Variants in OSTM1 observed in about 807,000 individuals in gnomAD.
OSTM1 encodes the protein osteoclastogenesis associated transmembrane protein 1.
In OSTM1, 26 loss-of-function variants were observed where a neutral mutation model predicts 35.4. The ratio of observed to expected loss-of-function variants is 0.73; its 90% CI spans 0.54 to 1.02. OSTM1 has a LOEUF of 1.02. OSTM1 is among the 50% of genes least tolerant of loss of function. OSTM1 has a pLI of 0.00. For synonymous variants in OSTM1, 181 were observed against 165.0 expected, an observed-to-expected ratio of 1.10 and a Z score of -0.75; for missense variants, 366 against 409.6, an observed-to-expected ratio of 0.89 and a Z score of 0.92.
At chr6:108,056,544 T>C (rs915901246) in intron 2 of OSTM1, among the ~76,000 whole-genome samples, 23 of 152,186 alleles carry the variant, frequency 1.5e-4, no homozygotes, top group African/African-American at 5.3e-4. Flanking sequence ...AGATGAAACC[T>C]AAACCTGGTA....
chr6:108,072,614 G>C (rs1220327952), intron 1 of OSTM1, among the ~76,000 whole-genome samples: 1 of 131,658 alleles, frequency 7.6e-6, no homozygotes, highest in Non-Finnish European at 1.6e-5. Context: ...TCCAGCCTGG[G>C]CAACAGAGCA....
chr6:108,069,783 C>T (rs913063556), intron 1 of OSTM1, among the ~76,000 whole-genome samples: 4 of 152,138 alleles, frequency 2.6e-5, no homozygotes, highest in Admixed American at 6.5e-5. Context: ...CGATCCCTCT[C>T]CCAGAAATTC....
At chr6:108,071,302 T>G (rs1041842003) in intron 1 of OSTM1, among the ~76,000 whole-genome samples, 6 of 151,788 alleles carry the variant, frequency 4.0e-5, no homozygotes, top group African/African-American at 1.5e-4. Context: ...GTTTTTGTTT[T>G]GTTTTGTTTT....
chr6:108,058,018 G>T (rs1373466587), intron 2 of OSTM1, among the ~76,000 whole-genome samples: 3 of 151,112 alleles, frequency 2.0e-5, no homozygotes, highest in Non-Finnish European at 4.4e-5. Context: ...CTCAGAGAAG[G>T]CTCAGGCATC....
At chr6:108,045,920 G>A (rs958603590) in intron 5 of OSTM1, among the ~76,000 whole-genome samples, 2 of 152,158 alleles carry the variant, frequency 1.3e-5, no homozygotes, top group Non-Finnish European at 2.9e-5. Context: ...CCTAGTACCT[G>A]TACTTTTTTA....
Position 108,054,469 on chromosome 6 carries a change from T to C in OSTM1, c.615+21A>G, listed in dbSNP as rs111735349. The C allele has an allele frequency of 4.6e-3, 5,257 of 1,142,520 alleles. 181 individuals are homozygous for C. The African/African-American group carries it at 0.073, about 16-fold the overall frequency. The allele number at this position is 1,142,520 out of a possible 1,614,324, so 70.8% of individuals were successfully genotyped here. ...TTTGTACAAGGCAGCATTTTAATTTTAAATATTATATATAAAATACCTGAA... is the reference window on the plus strand; with the variant it reads ...TTTGTACAAGGCAGCATTTTAATTTCAAATATTATATATAAAATACCTGAA... On this transcript the variant is annotated intron_variant, in intron 3 of 5. Transcript: ENST00000193322.
intron 5 of OSTM1, among the ~76,000 whole-genome samples, chr6:108,046,168 A>ATTTTTTTTTT (rs750495431): frequency 3.2e-5 from 3 of 93,476 alleles, no homozygotes; most frequent in Non-Finnish European, 5.7e-5. Context: ...CGCCCAGCTA[A>ATTTTTTTTTT]TTTTTTTTTT....
intron 1 of OSTM1, among the ~76,000 whole-genome samples, chr6:108,069,502 G>A (rs1299519740): frequency 3.3e-5 from 5 of 152,180 alleles, no homozygotes; most frequent in Admixed American, 3.3e-4. Flanking sequence ...TAGATAGGTA[G>A]ATGGATGGAT....
Position 108,044,776 on chromosome 6 carries a change from T to C in OSTM1, c.*9A>G. 5 of 1,524,246 alleles carry C rather than the reference T, an allele frequency of 3.3e-6. No homozygotes were observed. The highest frequency in any genetic ancestry group is 4.5e-6 in the Non-Finnish European group (5 of 1,102,736). The allele number at this position is 1,524,246 out of a possible 1,614,324, so 94.4% of individuals were successfully genotyped here. On this transcript the variant is annotated 3_prime_UTR_variant, in exon 6 of 6. Coordinates refer to ENST00000193322, the MANE Select transcript of OSTM1 (RefSeq NM_014028.4). ...TCACGTGATATGTCAATTCTCCATT[T>C]TGTAGGTCTCAGTTTGAATTTTCCT...
intron 1 of OSTM1, chr6:108,073,762 A>C (rs996919544): frequency 6.0e-6 from 1 of 166,168 alleles, no homozygotes; most frequent in Non-Finnish European, 1.3e-5. Flanking sequence ...CATTAGGCAG[A>C]TGTTCTTTCC....
At chr6:108,072,203 C>T (rs909139564) in intron 1 of OSTM1, among the ~76,000 whole-genome samples, 1 of 152,122 alleles carries the variant, frequency 6.6e-6, no homozygotes, top group South Asian at 2.1e-4. Context: ...GATGCTATAT[C>T]GTATCCTGCT....
chr6:108,062,031 GT>G (rs199788618), intron 2 of OSTM1, among the ~76,000 whole-genome samples: 2 of 150,106 alleles, frequency 1.3e-5, no homozygotes, highest in African/African-American at 4.9e-5. Flanking sequence ...CTATTTCTAT[GT>G]TTTTTTTTCT....
At chr6:108,070,953 T>C (rs76878227) in intron 1 of OSTM1, among the ~76,000 whole-genome samples, 45,749 of 144,698 alleles carry the variant, frequency 0.32, 7,381 homozygotes, top group Admixed American at 0.47. Context: ...CTTTGGGAGG[T>C]CGAGGTGTGC....
At chr6:108,052,251 G>A (rs1032587610) in intron 3 of OSTM1, among the ~76,000 whole-genome samples, 15 of 152,040 alleles carry the variant, frequency 9.9e-5, no homozygotes, top group East Asian at 3.9e-4. Flanking sequence ...TGGCTAACAC[G>A]GTGAAACCCC....
chr6:108,062,678 G>A (rs2114604848), intron 2 of OSTM1, among the ~76,000 whole-genome samples: 1 of 151,748 alleles, frequency 6.6e-6, no homozygotes, highest in South Asian at 2.1e-4. Context: ...ACAGGCACAT[G>A]CCACCAAGTC....
chr6:108,049,173 T>C lies in OSTM1; in HGVS notation c.949+80A>G, dbSNP rs1239016259. On this transcript the variant is annotated intron_variant, in intron 5 of 5. Transcript: ENST00000193322. ...GCTAATCTACTTTGAGTTCTCAGAG[T>C]AGCTATCATTTCTAAAACAGGCCTA... is the stretch of plus-strand genomic sequence containing the variant. 4 of 887,150 alleles carry C rather than the reference T, an allele frequency of 4.5e-6. No homozygotes were observed. In the East Asian group the frequency reaches 7.9e-5, roughly 18 times the overall value. The allele number at this position is 887,150 out of a possible 1,614,324, so 55.0% of individuals were successfully genotyped here.
intron 1 of OSTM1, chr6:108,073,859 G>C: frequency 8.7e-6 from 2 of 229,656 alleles, no homozygotes; most frequent in South Asian, 8.6e-5. Flanking sequence ...AACATTTCTG[G>C]CTACAAAGCT....
At chr6:108,047,154 C>T (rs967064654) in intron 5 of OSTM1, among the ~76,000 whole-genome samples, 6 of 152,138 alleles carry the variant, frequency 3.9e-5, no homozygotes, top group Admixed American at 1.3e-4. Flanking sequence ...TAAAGAAAGA[C>T]GGCACAGAAG....
At chr6:108,046,326 T>C (rs1310628694) in intron 5 of OSTM1, among the ~76,000 whole-genome samples, 1 of 138,078 alleles carries the variant, frequency 7.2e-6, no homozygotes, top group Non-Finnish European at 1.6e-5. Context: ...GGCCTACCAA[T>C]GTCTCTGGTT....
Sources: allele counts gnomAD v4.1 joint callset (sites outside exome capture counted in the v4.1 genomes callset), GRCh38; gene constraint gnomAD v4.1.1; transcripts MANE v1.5; gene names NCBI Gene and HGNC (gene_info 2026-07-23, HGNC 2026-07-21).